The following SLC49A4 variants were observed in gnomAD, a reference collection of about 807,000 sequenced individuals.
SLC49A4 encodes the protein solute carrier family 49 member 4, also known as disrupted in renal cancer protein 2.
In SLC49A4, 36 loss-of-function variants were observed where a neutral mutation model predicts 50.6. The observed-to-expected ratio is 0.71, with a 90% CI of 0.55 to 0.94. The LOEUF (loss-of-function observed/expected upper bound fraction) is 0.94, where lower values mean the gene tolerates loss of function less well. Among genes scored for constraint, SLC49A4 ranks in the 40% least tolerant of loss-of-function variants. SLC49A4 has a pLI of 0.00. For missense variants in SLC49A4, 503 were observed against 605.7 expected, an observed-to-expected ratio of 0.83 and a Z score of 1.78; for synonymous variants, 248 against 241.2, an observed-to-expected ratio of 1.03 and a Z score of -0.26.
At chr3:122,802,756 C>A (rs977510538) in intron 1 of SLC49A4, among the ~76,000 whole-genome samples, 4 of 151,892 alleles carry the variant, frequency 2.6e-5, no homozygotes, top group African/African-American at 7.3e-5. Flanking sequence ...TAATCAATGT[C>A]TGAGATGAAA....
At chr3:122,817,459 G>A (rs986434073) in intron 2 of SLC49A4, among the ~76,000 whole-genome samples, 2 of 152,122 alleles carry the variant, frequency 1.3e-5, no homozygotes, top group Admixed American at 6.6e-5. Flanking sequence ...AAGATGACGC[G>A]TATGTATTAT....
chr3:122,829,972 G>T (rs1266902050), intron 3 of SLC49A4, among the ~76,000 whole-genome samples: 2 of 152,014 alleles, frequency 1.3e-5, no homozygotes, highest in African/African-American at 4.8e-5. Context: ...AAAACTATTA[G>T]ATCTAAAAAA....
chr3:122,816,748 C>T (rs73193831), intron 2 of SLC49A4, among the ~76,000 whole-genome samples: 51 of 152,284 alleles, frequency 3.3e-4, no homozygotes, highest in Non-Finnish European at 6.0e-4. Context: ...GGGAGATGAC[C>T]TTGACAGTAT....
At chr3:122,823,389 G>C (rs982794730) in intron 2 of SLC49A4, among the ~76,000 whole-genome samples, 1 of 152,238 alleles carries the variant, frequency 6.6e-6, no homozygotes, top group Non-Finnish European at 1.5e-5. Context: ...GACATGCAGA[G>C]ACCTCCATCT....
At chr3:122,847,733 A>G (rs913748686) in intron 5 of SLC49A4, among the ~76,000 whole-genome samples, 2 of 152,126 alleles carry the variant, frequency 1.3e-5, no homozygotes, top group African/African-American at 2.4e-5. Context: ...GGTCTCAAAT[A>G]TAGATACATA....
At chr3:122,841,819 G>A (rs1362042484) in intron 4 of SLC49A4, among the ~76,000 whole-genome samples, 1 of 152,090 alleles carries the variant, frequency 6.6e-6, no homozygotes, top group Admixed American at 6.5e-5. Flanking sequence ...TTTTGTTTCA[G>A]TATATATGTT....
intron 1 of SLC49A4, among the ~76,000 whole-genome samples, chr3:122,802,462 A>G (rs1281557643): frequency 2.6e-5 from 4 of 152,248 alleles, no homozygotes; most frequent in African/African-American, 9.6e-5. Flanking sequence ...TTGAGTCTTC[A>G]GCAGAAAACT....
At chr3:122,827,179 G>A in intron 3 of SLC49A4, 114 bp downstream of exon 3, 1 of 1,175,552 alleles carries the variant, frequency 8.5e-7, no homozygotes, top group Non-Finnish European at 1.2e-6. Context: ...GGACTAATAT[G>A]TAAATTTACA....
At chr3:122,855,235 G>T (rs1040854514) in intron 5 of SLC49A4, among the ~76,000 whole-genome samples, 1 of 152,184 alleles carries the variant, frequency 6.6e-6, no homozygotes, top group Admixed American at 6.5e-5. Context: ...AACTATTTCC[G>T]AGCAGGGACA....
chr3:122,851,474 A>G (rs891623193), intron 5 of SLC49A4, among the ~76,000 whole-genome samples: 1 of 152,124 alleles, frequency 6.6e-6, no homozygotes, highest in African/African-American at 2.4e-5. Flanking sequence ...CTTTGAAAAA[A>G]AAGATCCATT....
Position 122,795,297 on chromosome 3 carries a change from G to C in SLC49A4, c.105G>C (p.Ala35=). Residue 35 remains alanine (A), a synonymous_variant, in exon 1 of 9, where the codon GCG becomes GCC. Transcript: ENST00000261038. The part of the protein sequence containing the change: ...ASWRSREAAA[A]ALPAAVPGPG... ...GGAGAAGCCGGGAGGCGGCGGCGGC[G>C]GCGCTGCCCGCGGCGGTCCCGGGTC... 1 of 1,436,900 alleles carries C rather than the reference G, an allele frequency of 7.0e-7. No homozygotes were observed. The highest frequency in any genetic ancestry group is 9.0e-7 in the Non-Finnish European group (1 of 1,108,290). The allele number at this position is 1,436,900 out of a possible 1,614,324, so 89.0% of individuals were successfully genotyped here.
chr3:122,868,236 G>A (rs1937146419), intron 7 of SLC49A4, among the ~76,000 whole-genome samples: 1 of 152,098 alleles, frequency 6.6e-6, no homozygotes, highest in African/African-American at 2.4e-5. Flanking sequence ...TCATGTGCTT[G>A]AAATACATTC....
intron 3 of SLC49A4, among the ~76,000 whole-genome samples, chr3:122,831,009 C>A (rs886233763): frequency 6.6e-6 from 1 of 151,994 alleles, no homozygotes; most frequent in Non-Finnish European, 1.5e-5. Flanking sequence ...AAATGTTCAT[C>A]GAACACATGA....
intron 2 of SLC49A4, among the ~76,000 whole-genome samples, chr3:122,816,264 A>G (rs1186010096): frequency 6.6e-6 from 1 of 152,158 alleles, no homozygotes; most frequent in East Asian, 1.9e-4. Flanking sequence ...TTAAATTTAT[A>G]TTGCAGGCCT....
rs561571226 is a variant in SLC49A4, at chr3:122,831,077, C to T, written c.704-2240C>T. ...TGCAAATCAAAACCATGGTAAGATA[C>T]ACTTCACACCCAGTAGGATTGCTAG... On this transcript the variant is annotated intron_variant, in intron 3 of 8. Transcript: ENST00000261038. 1.2e-4 allele frequency among the ~76,000 whole-genome samples: 18 copies of T among 152,158 alleles called. 1 individual carries two copies. In the South Asian group the frequency reaches 3.3e-3, roughly 28 times the overall value.
At chr3:122,799,149 C>G (rs1218557370) in intron 1 of SLC49A4, among the ~76,000 whole-genome samples, 1 of 152,154 alleles carries the variant, frequency 6.6e-6, no homozygotes, top group Non-Finnish European at 1.5e-5. Flanking sequence ...ATGGCCCTCA[C>G]AGACCCTCCT....
intron 1 of SLC49A4, among the ~76,000 whole-genome samples, chr3:122,799,765 G>C (rs1936104663): frequency 6.6e-6 from 1 of 152,218 alleles, no homozygotes; most frequent in Non-Finnish European, 1.5e-5. Flanking sequence ...TTGAGAAGTG[G>C]TTAGATTGCA....
chr3:122,823,978 C>T (rs75455903), intron 2 of SLC49A4, among the ~76,000 whole-genome samples: 2 of 152,124 alleles, frequency 1.3e-5, no homozygotes, highest in East Asian at 1.9e-4. Context: ...CCCTGAGGGA[C>T]GCTAGGATAT....
chr3:122,810,921 CT>C (rs2107558880), intron 2 of SLC49A4, among the ~76,000 whole-genome samples: 2 of 152,304 alleles, frequency 1.3e-5, no homozygotes, highest in South Asian at 2.1e-4. Context: ...TCCCTTACCA[CT>C]TAAGTAAATC....
Sources: gnomAD v4.1 joint callset for allele counts (sites outside exome capture counted in the v4.1 genomes callset) on GRCh38, gnomAD v4.1.1 for gene constraint, MANE v1.5 for transcripts, NCBI Gene and HGNC (gene_info 2026-07-23, HGNC 2026-07-21) for gene names.